The following DOCK4 variants were observed in gnomAD, a reference collection of about 807,000 sequenced individuals.
The protein encoded by DOCK4 is dedicator of cytokinesis protein 4.
In DOCK4, 97 loss-of-function variants were observed where a neutral mutation model predicts 268.1. The ratio of observed to expected loss-of-function variants is 0.36; its 90% CI spans 0.31 to 0.43. The LOEUF (loss-of-function observed/expected upper bound fraction) is 0.43, where lower values mean the gene tolerates loss of function less well. DOCK4 is among the 20% of genes least tolerant of loss of function. DOCK4 has a pLI of 1.00. For synonymous variants in DOCK4, 954 were observed against 887.2 expected (o/e 1.08, Z -1.34); for missense variants, 2,145 against 2,455.7 (o/e 0.87, Z 2.67).
rs184828539 is a variant in DOCK4 at position 111,863,950 on chromosome 7, C to T, written c.2281-386G>A. Among the ~76,000 whole-genome samples the T allele has an allele frequency of 3.3e-5, 5 of 152,288 alleles. No homozygotes were observed. In the East Asian group the frequency reaches 9.7e-4, roughly 29 times the overall value. On this transcript the variant is annotated intron_variant, in intron 22 of 52. Transcript: ENST00000428084. ...AGCTTTCTGAAATGCTCACTTAAAT[C>T]TCATTCACATTTAAGAAACCAAACA...
intron 17 of DOCK4, among the ~76,000 whole-genome samples, chr7:111,875,078 C>T (rs981796412): frequency 7.2e-5 from 11 of 152,166 alleles, no homozygotes; most frequent in Non-Finnish European, 1.6e-4. Flanking sequence ...AACTTCCTTC[C>T]TCCTTCCCAT....
chr7:111,928,426 A>AT (rs553530091), intron 12 of DOCK4, among the ~76,000 whole-genome samples: 1 of 151,770 alleles, frequency 6.6e-6, no homozygotes, highest in Admixed American at 6.6e-5. Flanking sequence ...ATTTAGTTTT[A>AT]TTTTTTTTAA....
intron 1 of DOCK4, among the ~76,000 whole-genome samples, chr7:112,035,449 T>C (rs773976575): frequency 4.6e-5 from 7 of 151,996 alleles, no homozygotes; most frequent in East Asian, 1.9e-4. Flanking sequence ...ATGAATTCTA[T>C]AAAACAAGGA....
intron 23 of DOCK4, among the ~76,000 whole-genome samples, chr7:111,848,224 T>C (rs1804269153): frequency 6.6e-6 from 1 of 152,214 alleles, no homozygotes; most frequent in African/African-American, 2.4e-5. Context: ...TTCCTGGTAA[T>C]TCCCATACCT....
chr7:112,193,101 A>G (rs1820122151), intron 1 of DOCK4, among the ~76,000 whole-genome samples: 1 of 152,188 alleles, frequency 6.6e-6, no homozygotes, highest in Non-Finnish European at 1.5e-5. Context: ...ATGCTAACCT[A>G]TATGATTAAA....
intron 1 of DOCK4, among the ~76,000 whole-genome samples, chr7:112,119,273 C>T (rs1016349323): frequency 6.6e-6 from 1 of 152,140 alleles, no homozygotes; most frequent in Non-Finnish European, 1.5e-5. Context: ...CGCCCCATTC[C>T]ACCCCACCCT....
intron 15 of DOCK4, among the ~76,000 whole-genome samples, chr7:111,897,426 G>C (rs1434774336): frequency 1.3e-5 from 2 of 151,924 alleles, no homozygotes; most frequent in Middle Eastern, 3.4e-3. Flanking sequence ...AAGTACCCCA[G>C]AGACCCATCC....
chr7:112,191,582 G>A (rs1819957278), intron 1 of DOCK4, among the ~76,000 whole-genome samples: 1 of 152,162 alleles, frequency 6.6e-6, no homozygotes, highest in East Asian at 1.9e-4. Context: ...AAAAAATAAA[G>A]TATAGTGAGC....
chr7:111,983,845 C>CGCGCGCGCGT lies in DOCK4; in HGVS notation c.549+460_549+461insACGCGCGCGC, dbSNP rs1554402974. ...GTGCTATTATGTATGTACACACACA[C>CGCGCGCGCGT]GCGCGCGCGCGCGCGCGCACACACA... On this transcript the variant is annotated intron_variant, in intron 7 of 52. Coordinates refer to ENST00000428084, the MANE Select transcript of DOCK4 (RefSeq NM_001363540.2). Among the ~76,000 whole-genome samples, 106 of 98,040 alleles carry CGCGCGCGCGT rather than the reference C, an allele frequency of 1.1e-3. 2 individuals are homozygous for CGCGCGCGCGT. The highest frequency in any genetic ancestry group is 6.6e-3 in the African/African-American group (103 of 15,628). The allele number at this position is 98,040 out of a possible 152,430, so 64.3% of individuals were successfully genotyped here. A position where few individuals can be genotyped will look rare whatever the true frequency, so the allele number is the denominator to read the frequency against.
chr7:111,879,805 T>C (rs1014080007), intron 16 of DOCK4, among the ~76,000 whole-genome samples: 2 of 152,224 alleles, frequency 1.3e-5, no homozygotes, highest in Non-Finnish European at 2.9e-5. Context: ...TCAGAGTCTC[T>C]TAATAGCAGA....
intron 8 of DOCK4, among the ~76,000 whole-genome samples, chr7:111,969,578 T>C (rs946673722): frequency 2.0e-5 from 3 of 151,232 alleles, no homozygotes; most frequent in Admixed American, 2.0e-4. Flanking sequence ...AGGACAGGCA[T>C]GGTAGAAAAA....
intron 1 of DOCK4, among the ~76,000 whole-genome samples, chr7:112,059,463 C>T (rs982147814): frequency 4.6e-5 from 7 of 152,080 alleles, no homozygotes; most frequent in African/African-American, 1.7e-4. Flanking sequence ...TTTTTAAATG[C>T]AATGAATATA....
At chr7:111,743,562 G>A (rs983320494) in intron 44 of DOCK4, among the ~76,000 whole-genome samples, 9 of 152,186 alleles carry the variant, frequency 5.9e-5, no homozygotes, top group Admixed American at 1.3e-4. Flanking sequence ...TAAACGCAGA[G>A]GCCCCCAGTC....
intron 2 of DOCK4, among the ~76,000 whole-genome samples, chr7:112,002,880 T>A (rs1208147926): frequency 1.3e-5 from 2 of 151,762 alleles, no homozygotes; most frequent in African/African-American, 4.8e-5. Flanking sequence ...TGAAATCCCA[T>A]CTCTACTAAA....
chr7:112,165,189 A>T (rs913340113), intron 1 of DOCK4, among the ~76,000 whole-genome samples: 5 of 152,160 alleles, frequency 3.3e-5, no homozygotes, highest in African/African-American at 1.2e-4. Context: ...GGTGCCCGTC[A>T]CCAGAGCACA....
intron 1 of DOCK4, among the ~76,000 whole-genome samples, chr7:112,042,816 A>G (rs1237658374): frequency 1.3e-5 from 2 of 152,186 alleles, no homozygotes; most frequent in African/African-American, 4.8e-5. Flanking sequence ...TGGGGCCTTC[A>G]AGGGGTAATT....
intron 1 of DOCK4, among the ~76,000 whole-genome samples, chr7:112,005,178 A>G (rs1245281364): frequency 1.3e-5 from 2 of 152,236 alleles, no homozygotes; most frequent in African/African-American, 2.4e-5. Context: ...ATTTTGCTTC[A>G]GAGTGAGATT....
intron 12 of DOCK4, among the ~76,000 whole-genome samples, chr7:111,927,799 TACTG>T (rs1218498438): frequency 5.3e-5 from 8 of 152,160 alleles, no homozygotes; most frequent in Non-Finnish European, 8.8e-5. Context: ...TTCCTTGGCA[TACTG>T]ACTATTTGGA....
At chr7:112,188,640 C>G (rs1819662840) in intron 1 of DOCK4, among the ~76,000 whole-genome samples, 5 of 152,182 alleles carry the variant, frequency 3.3e-5, no homozygotes, top group Admixed American at 2.6e-4. Flanking sequence ...CAGAAGATTT[C>G]CCTACCACCA....
Sources: allele counts gnomAD v4.1 joint callset (sites outside exome capture counted in the v4.1 genomes callset), GRCh38; gene constraint gnomAD v4.1.1; transcripts MANE v1.5; gene names NCBI Gene and HGNC (gene_info 2026-07-23, HGNC 2026-07-21).